Variants in STARD8 observed in about 807,000 individuals in gnomAD.
STARD8 encodes stAR-related lipid transfer protein 8.
Under a neutral mutation model 69.4 loss-of-function variants are expected in STARD8, and 25 were observed. The ratio of observed to expected loss-of-function variants is 0.36; its 90% CI spans 0.26 to 0.50. The LOEUF (loss-of-function observed/expected upper bound fraction) is 0.50. Among genes scored for constraint, STARD8 ranks in the 20% least tolerant of loss-of-function variants. The pLI, the probability that STARD8 is intolerant of heterozygous loss-of-function variation, is 0.96. For synonymous variants in STARD8, 389 were observed against 374.6 expected (o/e 1.04, Z -0.45); for missense variants, 921 against 932.5 (o/e 0.99, Z 0.16).
intron 2 of STARD8, among the ~76,000 whole-genome samples, chrX:68,674,729 C>G (rs1386970405): frequency 9.0e-6 from 1 of 110,551 alleles, no homozygotes; most frequent in Non-Finnish European, 1.9e-5. Flanking sequence ...CACTTATTAG[C>G]CTCAGTTTTC....
At position 68,723,677 on chromosome X, in the gene STARD8, GC is replaced by G. The variant is rs761897392; in HGVS notation, c.2858del (p.Pro953GlnfsTer28). The G allele has an allele frequency of 1.7e-6, 2 of 1,196,809 alleles. No homozygotes were observed. The highest frequency in any genetic ancestry group is 1.8e-5 in the African/African-American group (1 of 56,982). On this transcript the variant is annotated frameshift_variant, in exon 13 of 15. Coordinates refer to ENST00000374599, the MANE Select transcript of STARD8 (RefSeq NM_001142503.3). LOFTEE classifies it high-confidence loss of function. ...RLWKASTEVA[A>X]PPAVVLHRVL... is the part of the protein sequence containing the mutation. ...ATGGAAGGCATCCACAGAGGTGGCA[GC>G]CCCCCCAGCTGTGGTGCTGCATCGT...
intron 2 of STARD8, among the ~76,000 whole-genome samples, chrX:68,701,536 C>T (rs1426337756): frequency 8.8e-6 from 1 of 113,058 alleles, no homozygotes; most frequent in Non-Finnish European, 1.9e-5. Context: ...CCTGTCTGCT[C>T]TGTGCACTTC....
At chrX:68,694,625 C>T (rs1367926682) in intron 2 of STARD8, among the ~76,000 whole-genome samples, 1 of 111,293 alleles carries the variant, frequency 9.0e-6, no homozygotes, top group Non-Finnish European at 1.9e-5. Context: ...TCAGCCACAC[C>T]TCAGGTGGCA....
intron 4 of STARD8, 111 bp downstream of exon 4, chrX:68,715,486 C>A: frequency 1.6e-6 from 1 of 618,402 alleles, no homozygotes; most frequent in Non-Finnish European, 2.4e-6. Context: ...AGCTTACTAA[C>A]AAAGCTCATC....
intron 5 of STARD8, 91 bp downstream of exon 5, chrX:68,716,522 A>G: frequency 1.1e-6 from 1 of 934,410 alleles, no homozygotes. Context: ...TAGCTCCAGT[A>G]TCCCAGGAGT....
At chrX:68,691,113 A>G (rs2079873779) in intron 2 of STARD8, among the ~76,000 whole-genome samples, 1 of 111,043 alleles carries the variant, frequency 9.0e-6, no homozygotes, top group African/African-American at 3.3e-5. Context: ...GCACAGAAAC[A>G]CACACACACA....
At chrX:68,657,596 A>G (rs2079618880) in intron 1 of STARD8, among the ~76,000 whole-genome samples, 1 of 112,067 alleles carries the variant, frequency 8.9e-6, no homozygotes, top group Non-Finnish European at 1.9e-5. Context: ...TTAATCTAGA[A>G]CCTGTGATTG....
chrX:68,690,077 A>G (rs1310252064), intron 2 of STARD8, among the ~76,000 whole-genome samples: 5 of 110,441 alleles, frequency 4.5e-5, no homozygotes, highest in Non-Finnish European at 3.8e-5. Context: ...GACCTGATCA[A>G]TAGCCCCCTT....
intron 7 of STARD8, 114 bp downstream of exon 7, chrX:68,719,512 G>A: frequency 1.1e-6 from 1 of 875,577 alleles, no homozygotes; most frequent in Admixed American, 4.4e-5. Context: ...GGCCAGGGGA[G>A]CGGTGAGATA....
chrX:68,698,620 C>T (rs1419577294), intron 2 of STARD8, among the ~76,000 whole-genome samples: 1 of 110,605 alleles, frequency 9.0e-6, no homozygotes, highest in African/African-American at 3.4e-5. Flanking sequence ...CAGACCCAGA[C>T]CCAGACCCAG....
At chrX:68,653,050 A>G (rs1602534763) in intron 1 of STARD8, among the ~76,000 whole-genome samples, 1 of 30,043 alleles carries the variant, frequency 3.3e-5, no homozygotes, top group African/African-American at 1.3e-4. Flanking sequence ...CACACATCAC[A>G]CACCACACAC....
At chrX:68,691,646 T>G (rs1222323438) in intron 2 of STARD8, among the ~76,000 whole-genome samples, 1 of 112,721 alleles carries the variant, frequency 8.9e-6, no homozygotes, top group Non-Finnish European at 1.9e-5. Flanking sequence ...ACAAGCATTT[T>G]TATTGAACAT....
At chrX:68,674,933 C>T (rs1400777981) in intron 2 of STARD8, among the ~76,000 whole-genome samples, 5 of 106,242 alleles carry the variant, frequency 4.7e-5, no homozygotes, top group African/African-American at 1.7e-4. Context: ...CAGGCACGCA[C>T]CACCATGCCC....
chrX:68,722,741 G>A, intron 12 of STARD8, 95 bp downstream of exon 12: 1 of 871,196 alleles, frequency 1.1e-6, no homozygotes, highest in Non-Finnish European at 1.6e-6. Flanking sequence ...CCGGGGAGGA[G>A]CTGCCGCCTG....
intron 2 of STARD8, among the ~76,000 whole-genome samples, chrX:68,685,713 T>G (rs2079827432): frequency 8.9e-6 from 1 of 112,825 alleles, no homozygotes; most frequent in Admixed American, 9.3e-5. Flanking sequence ...TTTGCATTCT[T>G]GGGCCTCAGT....
chrX:68,672,251 G>T (rs1360749325), intron 2 of STARD8, among the ~76,000 whole-genome samples: 1 of 111,504 alleles, frequency 9.0e-6, no homozygotes, highest in African/African-American at 3.3e-5. Context: ...AGGCCAATCT[G>T]CTGTCATTTA....
intron 2 of STARD8, among the ~76,000 whole-genome samples, chrX:68,700,550 G>A (rs1262195790): frequency 8.9e-6 from 1 of 112,565 alleles, no homozygotes; most frequent in Non-Finnish European, 1.9e-5. Context: ...AGGATTTCCT[G>A]TCCTTTATCT....
At chrX:68,653,417 C>CCACA (rs1411562127) in intron 1 of STARD8, among the ~76,000 whole-genome samples, 3 of 60,657 alleles carry the variant, frequency 4.9e-5, no homozygotes, top group Non-Finnish European at 6.2e-5. Flanking sequence ...ACACACCACA[C>CCACA]CACACACACC....
At position 68,712,958 on chromosome X, in the gene STARD8, T is replaced by C; in HGVS notation, c.124T>C (p.Phe42Leu). ...ATGTGAGTGGCTTCAAGCAACAGGATTCCCTCAGTATGTGCAGCTTTTTGA... is the reference window on the plus strand; with the variant it reads ...ATGTGAGTGGCTTCAAGCAACAGGACTCCCTCAGTATGTGCAGCTTTTTGA... ...RACEWLQATGFPQYVQLFEEG... is the reference protein window; with the variant it reads ...RACEWLQATGLPQYVQLFEEG... The change falls in exon 3 of 15, where the codon TTC becomes CTC. Residue 42 changes from phenylalanine to leucine, a missense_variant. Phe to Leu is a conservative substitution (Grantham distance 22). Transcript: ENST00000374599. The C allele has an allele frequency of 2.5e-6, 3 of 1,207,377 alleles. No homozygotes were observed. The highest frequency in any genetic ancestry group is 3.4e-6 in the Non-Finnish European group (3 of 893,220).
Sources: gnomAD v4.1 joint callset for allele counts (sites outside exome capture counted in the v4.1 genomes callset) on GRCh38, gnomAD v4.1.1 for gene constraint, MANE v1.5 for transcripts, NCBI Gene and HGNC (gene_info 2026-07-23, HGNC 2026-07-21) for gene names.